The following NRG3 variants were observed in gnomAD, a reference collection of about 807,000 sequenced individuals.
NRG3 encodes neuregulin 3.
A neutral mutation model predicts 66.9 loss-of-function variants in NRG3; 31 were observed. That is an observed-to-expected ratio of 0.46 (90% CI 0.35 to 0.63). NRG3 has a LOEUF of 0.63. Among genes scored for constraint, NRG3 ranks in the 20% least tolerant of loss-of-function variants. NRG3 has a pLI of 0.00. For synonymous variants in NRG3, 393 were observed against 359.4 expected, an observed-to-expected ratio of 1.09 and a Z score of -1.06; for missense variants, 910 against 878.9, an observed-to-expected ratio of 1.04 and a Z score of -0.45.
chr10:82,668,938 T>C (rs538037332), intron 2 of NRG3, among the ~76,000 whole-genome samples: 1 of 152,140 alleles, frequency 6.6e-6, no homozygotes, highest in African/African-American at 2.4e-5. Context: ...GGCATGAATT[T>C]AAGGCTCAGC....
intron 1 of NRG3, among the ~76,000 whole-genome samples, chr10:82,100,001 A>AT (rs2066627979): frequency 6.7e-6 from 1 of 149,958 alleles, no homozygotes; most frequent in South Asian, 2.1e-4. Flanking sequence ...ATATATATAT[A>AT]ATTTAAAAAA....
intron 3 of NRG3, among the ~76,000 whole-genome samples, chr10:82,762,015 TTTC>T (rs1042702373): frequency 1.3e-4 from 20 of 151,094 alleles, no homozygotes; most frequent in Non-Finnish European, 4.4e-5. Flanking sequence ...TCTTTCTTTC[TTTC>T]TTTTCTTTCT....
chr10:82,139,248 A>G (rs1249752314), intron 1 of NRG3, among the ~76,000 whole-genome samples: 1 of 152,094 alleles, frequency 6.6e-6, no homozygotes, highest in African/African-American at 2.4e-5. Context: ...TATTCCACAC[A>G]TAACTGCAGT....
intron 2 of NRG3, among the ~76,000 whole-genome samples, chr10:82,503,834 A>C (rs767271763): frequency 2.0e-5 from 3 of 152,168 alleles, no homozygotes; most frequent in Admixed American, 2.0e-4. Flanking sequence ...TTTCATTTGC[A>C]TGCAGTCAAG....
intron 1 of NRG3, among the ~76,000 whole-genome samples, chr10:82,224,518 C>G (rs1436387064): frequency 6.6e-6 from 1 of 152,196 alleles, no homozygotes; most frequent in Non-Finnish European, 1.5e-5. Flanking sequence ...CTTTGAACTT[C>G]TGACAAACCC....
chr10:82,470,482 A>G (rs1038971211), intron 2 of NRG3, among the ~76,000 whole-genome samples: 1 of 152,254 alleles, frequency 6.6e-6, no homozygotes, highest in African/African-American at 2.4e-5. Flanking sequence ...AGTGTTAGCT[A>G]CAGGGACAGA....
At chr10:82,264,764 G>C (rs181742674) in intron 1 of NRG3, among the ~76,000 whole-genome samples, 1 of 152,130 alleles carries the variant, frequency 6.6e-6, no homozygotes, top group African/African-American at 2.4e-5. Flanking sequence ...AGAATGGAGG[G>C]ATCAATCATG....
At chr10:82,069,283 G>A (rs1236728584) in intron 1 of NRG3, among the ~76,000 whole-genome samples, 1 of 152,138 alleles carries the variant, frequency 6.6e-6, no homozygotes, top group African/African-American at 2.4e-5. Flanking sequence ...AGAACTGCAT[G>A]CACGAGGTAC....
intron 1 of NRG3, among the ~76,000 whole-genome samples, chr10:82,062,472 G>A (rs2064209446): frequency 1.3e-5 from 2 of 152,162 alleles, no homozygotes; most frequent in Admixed American, 6.5e-5. Flanking sequence ...TGTGCATGGT[G>A]GTGTGCGCCT....
At chr10:82,763,193 A>G (rs777115468) in intron 3 of NRG3, among the ~76,000 whole-genome samples, 1 of 152,228 alleles carries the variant, frequency 6.6e-6, no homozygotes, top group Non-Finnish European at 1.5e-5. Flanking sequence ...CAAATATGCC[A>G]TGACAAACAG....
chr10:82,600,125 C>T (rs763441193), intron 2 of NRG3, among the ~76,000 whole-genome samples: 8 of 152,032 alleles, frequency 5.3e-5, no homozygotes, highest in Non-Finnish European at 1.0e-4. Flanking sequence ...TTGTGGATGG[C>T]ATACTTCCCT....
At chr10:81,980,482 T>G (rs2060294372) in intron 1 of NRG3, among the ~76,000 whole-genome samples, 1 of 152,180 alleles carries the variant, frequency 6.6e-6, no homozygotes, top group Admixed American at 6.5e-5. Flanking sequence ...CCAACATTAC[T>G]ATTTAAACCA....
intron 2 of NRG3, among the ~76,000 whole-genome samples, chr10:82,380,651 C>T (rs1449726072): frequency 6.6e-6 from 1 of 152,102 alleles, no homozygotes; most frequent in Non-Finnish European, 1.5e-5. Flanking sequence ...AACACTGAAA[C>T]AAATTATCTT....
intron 1 of NRG3, among the ~76,000 whole-genome samples, chr10:82,070,440 T>G (rs1049710545): frequency 2.6e-5 from 4 of 152,192 alleles, no homozygotes; most frequent in Non-Finnish European, 4.4e-5. Flanking sequence ...ATGAGTAAAT[T>G]TTATCTTTCC....
intron 2 of NRG3, among the ~76,000 whole-genome samples, chr10:82,408,363 C>T (rs1393288812): frequency 6.6e-6 from 1 of 151,984 alleles, no homozygotes; most frequent in Non-Finnish European, 1.5e-5. Context: ...ATCAAAACCA[C>T]TTAAAACTGA....
chr10:82,833,260 C>T (rs978349561), intron 3 of NRG3, among the ~76,000 whole-genome samples: 4 of 152,128 alleles, frequency 2.6e-5, no homozygotes, highest in Non-Finnish European at 2.9e-5. Flanking sequence ...TGTTGTCACT[C>T]TCTCTGTTTT....
intron 1 of NRG3, among the ~76,000 whole-genome samples, chr10:82,173,684 C>G (rs1217968211): frequency 6.7e-6 from 1 of 148,772 alleles, no homozygotes; most frequent in African/African-American, 2.4e-5. Context: ...AACACACACA[C>G]ACACACACAC....
At chr10:82,657,268 T>C (rs1035795520) in intron 2 of NRG3, among the ~76,000 whole-genome samples, 1 of 152,188 alleles carries the variant, frequency 6.6e-6, no homozygotes, top group African/African-American at 2.4e-5. Flanking sequence ...GTCAGCTCCA[T>C]CAGGTAAGGG....
intron 2 of NRG3, among the ~76,000 whole-genome samples, chr10:82,405,453 AGTTT>A (rs1024867767): frequency 2.9e-5 from 3 of 102,406 alleles, no homozygotes; most frequent in Non-Finnish European, 5.3e-5. Flanking sequence ...TGATCTCAGT[AGTTT>A]GTTTTTTTTT....
Sources: allele counts gnomAD v4.1 joint callset (sites outside exome capture counted in the v4.1 genomes callset), GRCh38; gene constraint gnomAD v4.1.1; transcripts MANE v1.5; gene names NCBI Gene and HGNC (gene_info 2026-07-23, HGNC 2026-07-21).